KDM1A: variants seen among roughly 807,000 people sequenced by gnomAD.
KDM1A encodes the protein lysine-specific histone demethylase 1A.
KDM1A carries 49 observed loss-of-function variants against 109.4 expected under a neutral mutation model. The ratio of observed to expected loss-of-function variants is 0.45; its 90% CI spans 0.36 to 0.57. The LOEUF is 0.57. Among genes scored for constraint, KDM1A ranks in the 20% least tolerant of loss-of-function variants. KDM1A has a pLI of 0.00. For missense variants in KDM1A, 668 were observed against 1,116.6 expected, an observed-to-expected ratio of 0.60 and a Z score of 5.73; for synonymous variants, 380 against 415.4, an observed-to-expected ratio of 0.91 and a Z score of 1.04.
At chr1:23,067,412 G>C (rs538441485) in intron 10 of KDM1A, among the ~76,000 whole-genome samples, 5 of 152,254 alleles carry the variant, frequency 3.3e-5, no homozygotes, top group South Asian at 4.1e-4. Context: ...CAGAGGCCAG[G>C]GTTCAAAATC....
chr1:23,079,460 T>C lies in KDM1A; in HGVS notation c.2056-93T>C. ...ATAATAAGGATTGCTGGGCTTATTTTGAAAGCAGATTAGAAGAGACTTTAA... is the reference window on the plus strand; with the variant it reads ...ATAATAAGGATTGCTGGGCTTATTTCGAAAGCAGATTAGAAGAGACTTTAA... On this transcript the variant is annotated intron_variant, in intron 17 of 20. Coordinates refer to ENST00000400181, the MANE Select transcript of KDM1A (RefSeq NM_001009999.3). This position sits in a 1 kb window ranked among gnomAD's most constrained non-coding sequence, Gnocchi z 5.6. The C allele has an allele frequency of 1.1e-6, 1 of 944,068 alleles. No homozygotes were observed. Among genetic ancestry groups the C allele is most frequent in the Non-Finnish European group, 1.6e-6 (1 of 610,388 alleles). The allele number at this position is 944,068 out of a possible 1,614,324, so 58.5% of individuals were successfully genotyped here.
chr1:23,037,225 A>ACC (rs1025234436), intron 2 of KDM1A, among the ~76,000 whole-genome samples: 15 of 151,098 alleles, frequency 9.9e-5, no homozygotes, highest in Non-Finnish European at 1.8e-4. Flanking sequence ...AATCACTTGA[A>ACC]CCGGAGAGGC....
chr1:23,075,816 G>A (rs962014424), intron 15 of KDM1A, among the ~76,000 whole-genome samples: 1 of 151,376 alleles, frequency 6.6e-6, no homozygotes, highest in East Asian at 2.0e-4. Flanking sequence ...GCGTGGTGGC[G>A]CATGCCTGTA....
chr1:23,022,660 T>G (rs1302637722), intron 1 of KDM1A, among the ~76,000 whole-genome samples: 1 of 134,000 alleles, frequency 7.5e-6, no homozygotes, highest in African/African-American at 2.8e-5. Flanking sequence ...TTTTTTTTTT[T>G]TTTTTTTTTT....
At chr1:23,050,031 T>A (rs1228342257) in intron 3 of KDM1A, among the ~76,000 whole-genome samples, 2 of 152,246 alleles carry the variant, frequency 1.3e-5, no homozygotes, top group East Asian at 3.8e-4. Flanking sequence ...CTTCTTTTGC[T>A]TTCCTGTTAG....
intron 2 of KDM1A, among the ~76,000 whole-genome samples, chr1:23,035,277 AC>A (rs1210541414): frequency 6.6e-6 from 1 of 152,156 alleles, no homozygotes; most frequent in Admixed American, 6.5e-5. Context: ...ATCTCGGCTC[AC>A]CACAACCTCC....
chr1:23,030,680 AGAAT>A, intron 2 of KDM1A, 46 bp downstream of exon 2: 1 of 1,465,870 alleles, frequency 6.8e-7, no homozygotes, highest in Non-Finnish European at 9.1e-7. Flanking sequence ...CTTAGAAATA[AGAAT>A]GAATGGATTT....
rs145109627 is a variant in KDM1A, at chr1:23,074,974, G to A, written c.1734+1571G>A. Among the ~76,000 whole-genome samples, 599 of 152,188 alleles carry A rather than the reference G, an allele frequency of 3.9e-3. 4 individuals are homozygous for A. The highest frequency in any genetic ancestry group is 0.014 in the African/African-American group (576 of 41,520). On this transcript the variant is annotated intron_variant, in intron 15 of 20. Coordinates refer to ENST00000400181, the MANE Select transcript of KDM1A (RefSeq NM_001009999.3). ...AATTGTTTTGGCTATTTTAAGGTAC[G>A]TATTTCCATAACAGTTTTAGAATCA...
At chr1:23,070,208 A>G (rs1340248837) in intron 12 of KDM1A, among the ~76,000 whole-genome samples, 2 of 152,238 alleles carry the variant, frequency 1.3e-5, no homozygotes, top group Admixed American at 6.5e-5. Context: ...ACAGTGGCTT[A>G]TGCCTATAAT....
chr1:23,032,643 T>G (rs1642021194), intron 2 of KDM1A, among the ~76,000 whole-genome samples: 1 of 152,182 alleles, frequency 6.6e-6, no homozygotes, highest in South Asian at 2.1e-4. Flanking sequence ...ATGTTTTTTT[T>G]GAAAATTTCT....
chr1:23,074,746 G>A (rs964181535), intron 15 of KDM1A, among the ~76,000 whole-genome samples: 1 of 152,198 alleles, frequency 6.6e-6, no homozygotes, highest in Non-Finnish European at 1.5e-5. Context: ...GGAAAGGTAA[G>A]TGAAGGGTTC....
intron 1 of KDM1A, among the ~76,000 whole-genome samples, chr1:23,029,404 A>G (rs1641907616): frequency 6.6e-6 from 1 of 152,164 alleles, no homozygotes; most frequent in Non-Finnish European, 1.5e-5. Context: ...CACAATGATG[A>G]TTTGAGAATG....
intron 4 of KDM1A, 112 bp downstream of exon 4, chr1:23,050,632 A>G (rs1374628349): frequency 1.2e-6 from 1 of 807,318 alleles, no homozygotes; most frequent in African/African-American, 1.8e-5. Context: ...TATCTATAAT[A>G]CTATTATTAC....
chr1:23,042,445 T>A (rs1249551477), intron 2 of KDM1A, among the ~76,000 whole-genome samples: 2,860 of 70,738 alleles, frequency 0.04, 382 homozygotes, highest in African/African-American at 0.15. Context: ...ATATTATTTT[T>A]TTTTTTTTTT....
rs369674278 is a variant in KDM1A at position 23,073,304 on chromosome 1, C to T, written c.1635C>T (p.Leu545=). ...TGTTCTTTTGCAGTGATGTATATCT[C>T]TCATCAAGAGACAGACAAATACTTG... ...LEANPPSDVY[L]SSRDRQILDW... The change falls in exon 15 of 21, where the codon CTC becomes CTT. Residue 545 remains leucine, a synonymous_variant. Transcript: ENST00000400181. 43 of 1,583,764 alleles carry T rather than the reference C, an allele frequency of 2.7e-5. No individual in the cohort carries two copies. Among genetic ancestry groups the T allele is most frequent in the Non-Finnish European group, 3.5e-5 (40 of 1,153,586 alleles).
At chr1:23,055,205 T>C in intron 6 of KDM1A, 44 bp downstream of exon 6, 1 of 1,227,884 alleles carries the variant, frequency 8.1e-7, no homozygotes, top group Non-Finnish European at 1.2e-6. Context: ...ATTTTTAAGT[T>C]ACGGTTTCAG....
At position 23,056,012 on chromosome 1, in the gene KDM1A, A is replaced by G. The variant is rs1642819003; in HGVS notation, c.964A>G (p.Met322Val). The G allele has an allele frequency of 1.4e-5, 22 of 1,612,582 alleles. No individual in the cohort carries two copies. The highest frequency in any genetic ancestry group is 1.6e-5 in the Non-Finnish European group (19 of 1,178,978). The part of the protein sequence containing the change: ...AAARQLQSFG[M>V]DVTLLEARDR... ...AGCTCGACAGTTACAAAGTTTTGGAATGGATGTCACACTTTTGGAAGCCAG... is the reference window on the plus strand; with the variant it reads ...AGCTCGACAGTTACAAAGTTTTGGAGTGGATGTCACACTTTTGGAAGCCAG... The change falls in exon 7 of 21, where the codon ATG becomes GTG. Residue 322 changes from methionine to valine, a missense_variant. Physicochemically the swap from Met to Val is conservative, Grantham distance 21 (BLOSUM62 1). This residue lies in a region of KDM1A where 53 missense variants were observed against 122.5 expected (regional missense o/e 0.43). Coordinates refer to ENST00000400181, the MANE Select transcript of KDM1A (RefSeq NM_001009999.3).
chr1:23,043,646 A>C (rs894693104), intron 2 of KDM1A, among the ~76,000 whole-genome samples: 2 of 152,252 alleles, frequency 1.3e-5, no homozygotes, highest in Non-Finnish European at 1.5e-5. Context: ...GGAAGAGTTC[A>C]GAAGACAATC....
chr1:23,019,733 GC>G lies in KDM1A; in HGVS notation c.140del (p.Pro47GlnfsTer55). The G allele has an allele frequency of 7.5e-7, 1 of 1,332,628 alleles. No homozygotes were observed. The highest frequency in any genetic ancestry group is 9.6e-7 in the Non-Finnish European group (1 of 1,040,818). 82.6% of individuals were successfully genotyped at this position (1,332,628 alleles called of 1,614,324 possible). A position where few individuals can be genotyped will look rare whatever the true frequency, so the allele number is the denominator to read the frequency against. On this transcript the variant is annotated frameshift_variant, in exon 1 of 21. Coordinates refer to ENST00000400181, the MANE Select transcript of KDM1A (RefSeq NM_001009999.3). LOFTEE classifies it high-confidence loss of function. ...EVAAQPAGLS[G>X]PAEVGPGAVG... is the part of the protein sequence containing the mutation. ...GCCGCGCAGCCCGCGGGCCTGTCGG[GC>G]CCAGCCGAGGTCGGGCCGGGGGCGG...
Sources: gnomAD v4.1 joint callset for allele counts (sites outside exome capture counted in the v4.1 genomes callset) on GRCh38, gnomAD v4.1.1 for gene constraint, gnomAD v4.1.1 regional missense constraint, Gnocchi (gnomAD v3.1) non-coding constraint, MANE v1.5 for transcripts, NCBI Gene and HGNC (gene_info 2026-07-23, HGNC 2026-07-21) for gene names.